ARHGEF4: variants seen among roughly 807,000 people sequenced by gnomAD.
ARHGEF4 encodes Rho guanine nucleotide exchange factor 4.
ARHGEF4 carries 119 observed loss-of-function variants against 162.0 expected under a neutral mutation model. The ratio of observed to expected loss-of-function variants is 0.73; its 90% CI spans 0.63 to 0.86. The LOEUF is 0.86. Ranked by LOEUF, ARHGEF4 falls within the 40% of genes least tolerant of loss-of-function variation. The pLI, the probability that ARHGEF4 is intolerant of heterozygous loss-of-function variation, is 0.00. For missense variants in ARHGEF4, 2,488 were observed against 2,456.0 expected (o/e 1.01, Z -0.28); for synonymous variants, 1,014 against 979.9 (o/e 1.03, Z -0.65).
intron 4 of ARHGEF4, among the ~76,000 whole-genome samples, chr2:130,981,648 A>G (rs1175973906): frequency 6.8e-6 from 1 of 146,966 alleles, no homozygotes; most frequent in African/African-American, 2.6e-5. Context: ...ACAAAGCGAG[A>G]CTCCATCTCA....
intron 4 of ARHGEF4, among the ~76,000 whole-genome samples, chr2:131,012,666 C>T (rs1167458864): frequency 1.3e-5 from 2 of 152,098 alleles, no homozygotes; most frequent in African/African-American, 2.4e-5. Context: ...CTGCAACCTC[C>T]GCCTCCTGGG....
At chr2:130,888,648 G>C (rs1210120274) in intron 1 of ARHGEF4, among the ~76,000 whole-genome samples, 3 of 151,932 alleles carry the variant, frequency 2.0e-5, no homozygotes, top group African/African-American at 7.3e-5. Flanking sequence ...TCAGTCTATT[G>C]GTTATTGTAA....
intron 1 of ARHGEF4, among the ~76,000 whole-genome samples, chr2:130,845,519 G>C (rs998354931): frequency 6.6e-6 from 1 of 151,842 alleles, no homozygotes; most frequent in African/African-American, 2.4e-5. Flanking sequence ...GGCTGGTCTC[G>C]ATCTCTTGAC....
At chr2:131,010,377 G>A (rs1688369094) in intron 4 of ARHGEF4, among the ~76,000 whole-genome samples, 2 of 152,204 alleles carry the variant, frequency 1.3e-5, no homozygotes. Context: ...CCATCAGATA[G>A]CCGTTTTGTT....
At chr2:130,876,220 C>T (rs879722898) in intron 1 of ARHGEF4, among the ~76,000 whole-genome samples, 5 of 152,126 alleles carry the variant, frequency 3.3e-5, no homozygotes, top group Non-Finnish European at 5.9e-5. Flanking sequence ...GGGGCACAGG[C>T]GGCCTAGGGT....
In ARHGEF4 at chr2:130,913,535, T is replaced by A. The variant is rs187584770; in HGVS notation, c.40-451T>A. On this transcript the variant is annotated intron_variant, in intron 1 of 13. Transcript: ENST00000409359. The stretch of plus-strand genomic sequence containing the variant: ...TTTTTTTGTTGTTGTTGTTGTTGTT[T>A]TGCTCTAGCAAACCAAACTCAGAAA... Among the ~76,000 whole-genome samples the A allele has an allele frequency of 2.8e-3, 422 of 152,310 alleles. 1 individual carries two copies. Among genetic ancestry groups the A allele is most frequent in the African/African-American group, 9.8e-3 (407 of 41,566 alleles).
chr2:131,000,549 T>C (rs1687696711), intron 4 of ARHGEF4, among the ~76,000 whole-genome samples: 1 of 152,224 alleles, frequency 6.6e-6, no homozygotes, highest in Non-Finnish European at 1.5e-5. Context: ...TACAAAACCA[T>C]CTGAGCCAAG....
rs550599905 is a variant in ARHGEF4, at chr2:131,025,614, CATCT to C, written c.3986-2330_3986-2327del. ...TCACCATTTATGTGTTTCTTCCATC[CATCT>C]GTTTACTCATTTATTTACTTAACAT... On this transcript the variant is annotated intron_variant, in intron 4 of 13. Coordinates refer to ENST00000409359, the MANE Select transcript of ARHGEF4 (RefSeq NM_001367493.1). Among the ~76,000 whole-genome samples the C allele has an allele frequency of 1.8e-4, 27 of 152,288 alleles. No homozygotes were observed. In the South Asian group the frequency reaches 2.5e-3, roughly 14 times the overall value.
intron 4 of ARHGEF4, chr2:131,011,770 C>T: frequency 7.5e-6 from 7 of 930,344 alleles, no homozygotes; most frequent in Non-Finnish European, 1.2e-5. Context: ...AGCTCTCAGG[C>T]AGAGGAATGA....
At chr2:131,005,673 TGTCCTCAG>T (rs1328620970) in intron 4 of ARHGEF4, among the ~76,000 whole-genome samples, 1 of 151,166 alleles carries the variant, frequency 6.6e-6, no homozygotes, top group Non-Finnish European at 1.5e-5. Context: ...AGCTGGCCTG[TGTCCTCAG>T]GTGGGAGGGG....
At chr2:130,870,552 T>C (rs1045346004) in intron 1 of ARHGEF4, among the ~76,000 whole-genome samples, 39 of 152,240 alleles carry the variant, frequency 2.6e-4, no homozygotes, top group African/African-American at 8.4e-4. Context: ...TCATATGACC[T>C]TCTCAGAACC....
chr2:130,961,218 G>A (rs1379712668), intron 4 of ARHGEF4, among the ~76,000 whole-genome samples: 1 of 152,238 alleles, frequency 6.6e-6, no homozygotes, highest in Non-Finnish European at 1.5e-5. Flanking sequence ...CCTGGACACA[G>A]TGATGGGTAA....
intron 4 of ARHGEF4, among the ~76,000 whole-genome samples, chr2:131,008,067 G>C (rs1408723910): frequency 6.6e-6 from 1 of 151,804 alleles, no homozygotes; most frequent in Non-Finnish European, 1.5e-5. Flanking sequence ...CCAGCCTCAG[G>C]CTCCCAAAGT....
chr2:130,846,689 T>C (rs1011404219), intron 1 of ARHGEF4, among the ~76,000 whole-genome samples: 6 of 152,150 alleles, frequency 3.9e-5, no homozygotes, highest in Non-Finnish European at 8.8e-5. Flanking sequence ...GGGGTCTTTC[T>C]TTAGCAGAAG....
At chr2:131,039,065 G>A (rs747730091) in intron 6 of ARHGEF4, 33 bp downstream of exon 6, 20 of 1,573,632 alleles carry the variant, frequency 1.3e-5, no homozygotes, top group Non-Finnish European at 1.6e-5. Context: ...CTCCCAAGTT[G>A]GGCCCATAAA....
At position 130,915,174 on chromosome 2, in the gene ARHGEF4, C is replaced by T. The variant is rs762491934; in HGVS notation, c.1228C>T (p.Arg410Cys). 209 of 1,550,478 alleles carry T rather than the reference C, an allele frequency of 1.3e-4. No homozygotes were observed. The highest frequency in any genetic ancestry group is 1.8e-4 in the Non-Finnish European group (201 of 1,147,010). The change falls in exon 2 of 14, where the codon CGC (arginine) becomes TGC (cysteine). Residue 410 changes from arginine to cysteine, a missense_variant. Arg to Cys is a radical substitution (Grantham distance 180, BLOSUM62 -3). Transcript: ENST00000409359. ...LQGPCKPGGF[R>C]LQRASQDTPS... ...GGGTCCCTGCAAGCCTGGTGGGTTT[C>T]GCTTGCAAAGGGCCTCTCAGGACAC...
intron 1 of ARHGEF4, among the ~76,000 whole-genome samples, chr2:130,867,066 A>G (rs1185451612): frequency 2.6e-5 from 4 of 152,082 alleles, no homozygotes; most frequent in African/African-American, 9.7e-5. Flanking sequence ...CCTGAATTAT[A>G]TGTGTCTCCT....
At chr2:130,872,623 T>C (rs1378732625) in intron 1 of ARHGEF4, among the ~76,000 whole-genome samples, 2 of 152,308 alleles carry the variant, frequency 1.3e-5, no homozygotes, top group East Asian at 1.9e-4. Flanking sequence ...CTTCTGCAAG[T>C]CTTTTAATGG....
At chr2:130,838,355 A>G (rs1377606179) in intron 1 of ARHGEF4, among the ~76,000 whole-genome samples, 2 of 151,948 alleles carry the variant, frequency 1.3e-5, no homozygotes, top group South Asian at 2.1e-4. Flanking sequence ...TAATCTCAGC[A>G]CTTTGGGAGG....
Sources: gnomAD v4.1 joint callset for allele counts (sites outside exome capture counted in the v4.1 genomes callset) on GRCh38, gnomAD v4.1.1 for gene constraint, MANE v1.5 for transcripts, NCBI Gene and HGNC (gene_info 2026-07-23, HGNC 2026-07-21) for gene names.